Variants in SPIDR observed in about 807,000 individuals in gnomAD.
The protein encoded by SPIDR is scaffold protein involved in DNA repair.
Under a neutral mutation model 104.6 loss-of-function variants are expected in SPIDR, and 93 were observed. The ratio of observed to expected loss-of-function variants is 0.89; its 90% CI spans 0.75 to 1.06. The LOEUF is 1.06. SPIDR is among the 50% of genes least tolerant of loss of function. SPIDR has a pLI of 0.00. For synonymous variants in SPIDR, 431 were observed against 416.9 expected (o/e 1.03, Z -0.41); for missense variants, 1,154 against 1,111.2 (o/e 1.04, Z -0.55).
intron 19 of SPIDR, among the ~76,000 whole-genome samples, chr8:47,730,070 G>A (rs920883697): frequency 6.6e-6 from 1 of 152,036 alleles, no homozygotes; most frequent in Non-Finnish European, 1.5e-5. Flanking sequence ...GAGTCCTACT[G>A]CCAAGGTGTC....
intron 5 of SPIDR, among the ~76,000 whole-genome samples, chr8:47,325,522 A>T (rs2047513492): frequency 6.6e-6 from 1 of 152,228 alleles, no homozygotes. Flanking sequence ...AAATGCCAGA[A>T]AATTTAAAAC....
At chr8:47,641,623 C>G (rs1215384453) in intron 10 of SPIDR, among the ~76,000 whole-genome samples, 2 of 152,104 alleles carry the variant, frequency 1.3e-5, no homozygotes, top group African/African-American at 4.8e-5. Context: ...GGTAGTGGTA[C>G]TAACACAAGC....
At chr8:47,302,816 C>T (rs985166549) in intron 5 of SPIDR, among the ~76,000 whole-genome samples, 3 of 152,150 alleles carry the variant, frequency 2.0e-5, no homozygotes, top group Admixed American at 6.5e-5. Flanking sequence ...GTTTTTGTCT[C>T]AGAGGAGTAC....
chr8:47,703,038 C>T (rs546569776), intron 14 of SPIDR, among the ~76,000 whole-genome samples: 3 of 152,326 alleles, frequency 2.0e-5, no homozygotes, highest in Admixed American at 6.5e-5. Flanking sequence ...TCTAATCATA[C>T]TATGCCTGGT....
intron 5 of SPIDR, among the ~76,000 whole-genome samples, chr8:47,340,196 T>C (rs1343745584): frequency 1.3e-5 from 2 of 152,180 alleles, no homozygotes; most frequent in African/African-American, 2.4e-5. Flanking sequence ...GCTTTATCAA[T>C]AAATGTGTGC....
At chr8:47,304,530 G>A (rs1353434189) in intron 5 of SPIDR, among the ~76,000 whole-genome samples, 1 of 152,014 alleles carries the variant, frequency 6.6e-6, no homozygotes, top group African/African-American at 2.4e-5. Context: ...AAATAAATAC[G>A]TAAAAGTGTG....
chr8:47,308,990 T>C (rs1183519219), intron 5 of SPIDR, among the ~76,000 whole-genome samples: 1 of 152,190 alleles, frequency 6.6e-6, no homozygotes, highest in African/African-American at 2.4e-5. Flanking sequence ...AATAGTTAAA[T>C]AGAACAGATT....
chr8:47,699,480 C>G (rs747905893), intron 11 of SPIDR, among the ~76,000 whole-genome samples: 2 of 152,158 alleles, frequency 1.3e-5, no homozygotes, highest in Non-Finnish European at 2.9e-5. Flanking sequence ...GAAGTGCAGT[C>G]AGATCTAAGG....
chr8:47,668,471 T>TAA (rs74274281), intron 10 of SPIDR, among the ~76,000 whole-genome samples: 2 of 144,420 alleles, frequency 1.4e-5, no homozygotes, highest in African/African-American at 5.1e-5. Context: ...ATTCATGATT[T>TAA]AAAAAAAAAA....
chr8:47,545,215 G>T (rs915772619), intron 8 of SPIDR, among the ~76,000 whole-genome samples: 1 of 149,940 alleles, frequency 6.7e-6, no homozygotes, highest in East Asian at 2.0e-4. Flanking sequence ...CTGCCTCCTG[G>T]GTTCAAGCGA....
intron 7 of SPIDR, among the ~76,000 whole-genome samples, chr8:47,429,239 A>G (rs782729905): frequency 6.6e-6 from 1 of 152,154 alleles, no homozygotes; most frequent in Non-Finnish European, 1.5e-5. Flanking sequence ...GGTGGGACCT[A>G]GAAATAGAGG....
At chr8:47,504,798 G>T (rs1012330158) in intron 8 of SPIDR, among the ~76,000 whole-genome samples, 2 of 152,090 alleles carry the variant, frequency 1.3e-5, no homozygotes, top group Non-Finnish European at 2.9e-5. Flanking sequence ...TGATAGTGAC[G>T]TACAGATGGG....
intron 8 of SPIDR, among the ~76,000 whole-genome samples, chr8:47,454,025 G>C (rs781996065): frequency 1.3e-5 from 2 of 152,180 alleles, no homozygotes; most frequent in Non-Finnish European, 2.9e-5. Context: ...TTACAGCATT[G>C]GTGGGACTGT....
intron 5 of SPIDR, among the ~76,000 whole-genome samples, chr8:47,316,988 GA>G (rs1399665479): frequency 1.3e-5 from 2 of 152,150 alleles, no homozygotes; most frequent in African/African-American, 4.8e-5. Context: ...CAAGATGGCT[GA>G]ATGGGAACAG....
chr8:47,379,838 G>A (rs1413168624), intron 5 of SPIDR, among the ~76,000 whole-genome samples: 1 of 152,124 alleles, frequency 6.6e-6, no homozygotes, highest in Non-Finnish European at 1.5e-5. Context: ...TGGGTGAGGA[G>A]CACCCCCTGG....
intron 12 of SPIDR, 89 bp downstream of exon 12, chr8:47,700,579 C>CT: frequency 7.8e-7 from 1 of 1,289,984 alleles, no homozygotes; most frequent in Non-Finnish European, 1.1e-6. Context: ...CTCACATGGT[C>CT]TGTGTCCCCT....
intron 8 of SPIDR, among the ~76,000 whole-genome samples, chr8:47,514,329 A>T (rs1301881956): frequency 1.3e-5 from 2 of 152,190 alleles, no homozygotes; most frequent in African/African-American, 4.8e-5. Context: ...TGGTCTCATA[A>T]AGTTAATATA....
intron 5 of SPIDR, among the ~76,000 whole-genome samples, chr8:47,305,345 C>G (rs1277182341): frequency 1.3e-5 from 2 of 152,160 alleles, no homozygotes; most frequent in Non-Finnish European, 2.9e-5. Context: ...AGGTAAACAA[C>G]AAGCTGGCTG....
intron 5 of SPIDR, among the ~76,000 whole-genome samples, chr8:47,350,592 G>A (rs1554621749): frequency 6.6e-6 from 1 of 152,230 alleles, no homozygotes; most frequent in African/African-American, 2.4e-5. Context: ...GGGGTTACAG[G>A]CGTGTGCCAC....
Sources: allele counts gnomAD v4.1 joint callset (sites outside exome capture counted in the v4.1 genomes callset), GRCh38; gene constraint gnomAD v4.1.1; transcripts MANE v1.5; gene names NCBI Gene and HGNC (gene_info 2026-07-23, HGNC 2026-07-21).